The following STX18 variants were observed in gnomAD, a reference collection of about 807,000 sequenced individuals.
STX18 encodes syntaxin-18.
Under a neutral mutation model 50.1 loss-of-function variants are expected in STX18, and 40 were observed. The ratio of observed to expected loss-of-function variants is 0.80; its 90% CI spans 0.62 to 1.04. STX18 has a LOEUF of 1.04. STX18 is among the 50% of genes least tolerant of loss of function. STX18 has a pLI of 0.00. For missense variants in STX18, 410 were observed against 415.8 expected, an observed-to-expected ratio of 0.99 and a Z score of 0.12; for synonymous variants, 158 against 151.8, an observed-to-expected ratio of 1.04 and a Z score of -0.30.
At chr4:4,473,572 C>T (rs994343742) in intron 1 of STX18, among the ~76,000 whole-genome samples, 1 of 152,116 alleles carries the variant, frequency 6.6e-6, no homozygotes, top group African/African-American at 2.4e-5. Context: ...GCATTATAGG[C>T]GTGAGCCACC....
intron 5 of STX18, among the ~76,000 whole-genome samples, chr4:4,456,393 C>G (rs766579227): frequency 1.3e-5 from 2 of 152,282 alleles, no homozygotes; most frequent in Non-Finnish European, 2.9e-5. Context: ...TACTTGCTCA[C>G]TGATGTATTC....
intron 1 of STX18, among the ~76,000 whole-genome samples, chr4:4,509,917 G>A (rs938846172): frequency 6.6e-6 from 1 of 152,172 alleles, no homozygotes; most frequent in Non-Finnish European, 1.5e-5. Context: ...AGACAGGTGT[G>A]TATCAAGCAT....
At chr4:4,528,576 T>C (rs1015250105) in intron 1 of STX18, among the ~76,000 whole-genome samples, 3 of 152,196 alleles carry the variant, frequency 2.0e-5, no homozygotes, top group Non-Finnish European at 2.9e-5. Context: ...ATTAACCTCT[T>C]TTCGTTATAA....
intron 1 of STX18, among the ~76,000 whole-genome samples, chr4:4,527,230 A>T (rs543632996): frequency 2.4e-4 from 37 of 152,324 alleles, no homozygotes; most frequent in African/African-American, 8.7e-4. Flanking sequence ...TTCTCTCCAC[A>T]GTTAAGATGA....
chr4:4,533,834 G>A (rs1353301645), intron 1 of STX18, among the ~76,000 whole-genome samples: 2 of 152,184 alleles, frequency 1.3e-5, no homozygotes, highest in Non-Finnish European at 2.9e-5. Context: ...GGAACTCTTT[G>A]ACACACTCCA....
At chr4:4,490,958 A>C (rs975177442) in intron 1 of STX18, among the ~76,000 whole-genome samples, 3 of 152,150 alleles carry the variant, frequency 2.0e-5, no homozygotes, top group Non-Finnish European at 4.4e-5. Flanking sequence ...TCCCAACTTA[A>C]ATAAAAACCC....
Position 4,541,994 on chromosome 4 carries a change from G to C in STX18, c.-30C>G. ...ACCCGCACCCTCAGCCCCACACTAG[G>C]CCCGCCCACGTAAGCAGCCGGCGAC... On this transcript the variant is annotated 5_prime_UTR_variant, in exon 1 of 11. Transcript: ENST00000306200. 1.3e-6 allele frequency: 2 copies of C among 1,548,972 alleles called. No individual in the cohort carries two copies. The highest frequency in any genetic ancestry group is 1.7e-6 in the Non-Finnish European group (2 of 1,147,260).
intron 1 of STX18, among the ~76,000 whole-genome samples, chr4:4,515,617 A>AT (rs1730216810): frequency 6.6e-6 from 1 of 152,202 alleles, no homozygotes; most frequent in Non-Finnish European, 1.5e-5. Context: ...CTAGAAAAAA[A>AT]CGATAAGACA....
chr4:4,457,325 A>C, intron 4 of STX18, 68 bp from the exon 5 acceptor site: 1 of 1,564,680 alleles, frequency 6.4e-7, no homozygotes, highest in Non-Finnish European at 8.8e-7. Flanking sequence ...CCATCATTAA[A>C]TATAATGAGA....
At chr4:4,423,475 C>A (rs1166768553) in intron 9 of STX18, 43 bp downstream of exon 9, 1 of 1,592,608 alleles carries the variant, frequency 6.3e-7, no homozygotes, top group Non-Finnish European at 8.6e-7. Flanking sequence ...GTACATTCCC[C>A]TTTGAGTGAA....
In STX18 at chr4:4,525,991, G is replaced by C. The variant is rs1482747109; in HGVS notation, c.168+15806C>G. 4.6e-5 allele frequency among the ~76,000 whole-genome samples: 7 copies of C among 152,258 alleles called. No individual in the cohort carries two copies. The South Asian group carries it at 1.5e-3, about 32-fold the overall frequency. The stretch of plus-strand genomic sequence containing the variant: ...CAAGGAAGGAGGCAAGAAGCTGAGG[G>C]GACTGCTAACAGAGCAGCATGGTGA... On this transcript the variant is annotated intron_variant, in intron 1 of 10. Coordinates refer to ENST00000306200, the MANE Select transcript of STX18 (RefSeq NM_016930.4).
chr4:4,479,296 C>T (rs1292361065), intron 1 of STX18, among the ~76,000 whole-genome samples: 2 of 152,236 alleles, frequency 1.3e-5, no homozygotes, highest in Admixed American at 6.5e-5. Flanking sequence ...GAAATAAATA[C>T]AAAAATAAAT....
intron 1 of STX18, among the ~76,000 whole-genome samples, chr4:4,530,773 T>C (rs1306443133): frequency 6.6e-6 from 1 of 151,972 alleles, no homozygotes; most frequent in Non-Finnish European, 1.5e-5. Flanking sequence ...GGCAGGCTAA[T>C]TTTTGTATTT....
chr4:4,515,318 A>G (rs1238348834), intron 1 of STX18, among the ~76,000 whole-genome samples: 1 of 152,182 alleles, frequency 6.6e-6, no homozygotes, highest in African/African-American at 2.4e-5. Flanking sequence ...TAAATACTAA[A>G]TAATGGAAAA....
At chr4:4,434,709 T>C (rs6825715) in intron 7 of STX18, 61 bp downstream of exon 7, 340,810 of 1,388,622 alleles carry the variant, frequency 0.25, 52,958 homozygotes, top group African/African-American at 0.77. Context: ...AGTTTCTCCT[T>C]AGTGAAACAG....
intron 1 of STX18, among the ~76,000 whole-genome samples, chr4:4,487,054 TTCAGAGGCTTTTGGTTCATGGAGC>T (rs555230434): frequency 1.9e-3 from 283 of 152,302 alleles, no homozygotes; most frequent in African/African-American, 6.6e-3. Flanking sequence ...CATTTTGAGC[TTCAGAGGCTTTTGGTTCATGGAGC>T]TCAGGTTAAG....
chr4:4,542,301 G>A (rs536424164), upstream of STX18: 20 of 227,524 alleles, frequency 8.8e-5, no homozygotes, highest in East Asian at 1.5e-3. Flanking sequence ...TGAGGACCGG[G>A]AAGCTAGGAG....
intron 2 of STX18, among the ~76,000 whole-genome samples, chr4:4,470,230 G>A (rs185379921): frequency 4.7e-4 from 71 of 152,230 alleles, no homozygotes; most frequent in Middle Eastern, 3.4e-3. Flanking sequence ...GTTTTGGGCC[G>A]GGTAAGTCCC....
intron 1 of STX18, among the ~76,000 whole-genome samples, chr4:4,537,367 C>T (rs1253016124): frequency 6.6e-6 from 1 of 152,194 alleles, no homozygotes; most frequent in East Asian, 1.9e-4. Context: ...TCCCTATTCC[C>T]AGACAGGGCA....
Sources: gnomAD v4.1 joint callset for allele counts (sites outside exome capture counted in the v4.1 genomes callset) on GRCh38, gnomAD v4.1.1 for gene constraint, MANE v1.5 for transcripts, NCBI Gene and HGNC (gene_info 2026-07-23, HGNC 2026-07-21) for gene names.